RORA: variants seen among roughly 807,000 people sequenced by gnomAD.
RORA encodes nuclear receptor ROR-alpha.
RORA carries 7 observed loss-of-function variants against 69.5 expected under a neutral mutation model. The observed-to-expected ratio is 0.10, with a 90% CI of 0.06 to 0.19. RORA has a LOEUF of 0.19. RORA is among the 10% of genes least tolerant of loss of function. RORA has a pLI of 1.00. For missense variants in RORA, 457 were observed against 663.0 expected, an observed-to-expected ratio of 0.69 and a Z score of 3.41; for synonymous variants, 261 against 240.8, an observed-to-expected ratio of 1.08 and a Z score of -0.78.
At chr15:61,223,143 G>A (rs1056122062) in intron 1 of RORA, among the ~76,000 whole-genome samples, 4 of 151,670 alleles carry the variant, frequency 2.6e-5, no homozygotes, top group Non-Finnish European at 2.9e-5. Context: ...GTGAAACCCC[G>A]TCTCTACTAA....
At chr15:60,708,618 A>G (rs1567164347) in intron 1 of RORA, among the ~76,000 whole-genome samples, 1 of 152,170 alleles carries the variant, frequency 6.6e-6, no homozygotes, top group Non-Finnish European at 1.5e-5. Flanking sequence ...CACAAAAATT[A>G]TTGCATTTAA....
At chr15:60,622,532 A>G (rs922692224) in intron 2 of RORA, among the ~76,000 whole-genome samples, 10 of 151,792 alleles carry the variant, frequency 6.6e-5, no homozygotes, top group African/African-American at 2.4e-4. Flanking sequence ...GAACCACCTG[A>G]GCCTGGGAGG....
intron 1 of RORA, among the ~76,000 whole-genome samples, chr15:61,141,449 G>GA (rs1194983369): frequency 1.3e-5 from 2 of 152,074 alleles, no homozygotes; most frequent in African/African-American, 4.8e-5. Context: ...GAGAGCAAAA[G>GA]AAAATCTAGA....
intron 3 of RORA, among the ~76,000 whole-genome samples, chr15:60,526,541 A>G (rs1287055638): frequency 1.3e-5 from 2 of 152,226 alleles, no homozygotes; most frequent in Non-Finnish European, 2.9e-5. Context: ...ACACAGCCCT[A>G]CCACTTGCGC....
chr15:61,214,490 GT>G (rs1436603387), intron 1 of RORA, among the ~76,000 whole-genome samples: 2 of 152,160 alleles, frequency 1.3e-5, no homozygotes, highest in Non-Finnish European at 2.9e-5. Flanking sequence ...ATATACGAAA[GT>G]TAAAGGTATT....
At chr15:60,800,206 A>C (rs1321955577) in intron 1 of RORA, among the ~76,000 whole-genome samples, 3 of 152,212 alleles carry the variant, frequency 2.0e-5, no homozygotes, top group Non-Finnish European at 2.9e-5. Flanking sequence ...TGTAGAGTTA[A>C]ACATTTCCCA....
At chr15:61,058,911 T>C (rs577927288) in intron 1 of RORA, among the ~76,000 whole-genome samples, 1 of 152,198 alleles carries the variant, frequency 6.6e-6, no homozygotes, top group South Asian at 2.1e-4. Flanking sequence ...AGGTTTCATT[T>C]TGGAGGAAGA....
chr15:60,842,894 C>A (rs756929808), intron 1 of RORA, among the ~76,000 whole-genome samples: 1 of 152,176 alleles, frequency 6.6e-6, no homozygotes, highest in African/African-American at 2.4e-5. Flanking sequence ...GAGTGCCAGC[C>A]CGCCACATCT....
At chr15:60,759,425 G>C (rs974678358) in intron 1 of RORA, among the ~76,000 whole-genome samples, 2 of 152,150 alleles carry the variant, frequency 1.3e-5, no homozygotes, top group African/African-American at 4.8e-5. Context: ...GGGGGACATG[G>C]GGGCCAACTC....
At chr15:61,089,567 C>T (rs990453153) in intron 1 of RORA, among the ~76,000 whole-genome samples, 1 of 152,154 alleles carries the variant, frequency 6.6e-6, no homozygotes, top group Non-Finnish European at 1.5e-5. Context: ...CACAGGCCAT[C>T]CTTGGAGATC....
intron 1 of RORA, among the ~76,000 whole-genome samples, chr15:61,098,874 G>A (rs1351214892): frequency 1.3e-5 from 2 of 152,200 alleles, no homozygotes; most frequent in Admixed American, 6.5e-5. Context: ...TTAACTGTGT[G>A]AATTAAGAGC....
chr15:61,180,866 A>G (rs545191970), intron 1 of RORA, among the ~76,000 whole-genome samples: 2 of 152,306 alleles, frequency 1.3e-5, no homozygotes, highest in African/African-American at 4.8e-5. Flanking sequence ...TGGGAGGCCA[A>G]AGCAGGTCTC....
intron 1 of RORA, among the ~76,000 whole-genome samples, chr15:61,123,605 A>C (rs2079120589): frequency 6.6e-6 from 1 of 152,240 alleles, no homozygotes; most frequent in South Asian, 2.1e-4. Flanking sequence ...GGCTTAAAAA[A>C]TGTTGATGCT....
At chr15:60,581,463 G>A (rs2068193369) in intron 2 of RORA, among the ~76,000 whole-genome samples, 1 of 152,174 alleles carries the variant, frequency 6.6e-6, no homozygotes, top group Non-Finnish European at 1.5e-5. Flanking sequence ...TGCAACTTAA[G>A]AGGAGGAGGA....
intron 1 of RORA, chr15:60,849,060 C>T (rs1169195971): frequency 6.6e-6 from 1 of 152,164 alleles, no homozygotes; most frequent in Non-Finnish European, 1.5e-5. Flanking sequence ...AGACTGTGCC[C>T]CACCCATGCC....
chr15:60,911,056 C>T (rs112305743), intron 1 of RORA, among the ~76,000 whole-genome samples: 2,819 of 147,786 alleles, frequency 0.019, 99 homozygotes, highest in South Asian at 0.084. Context: ...GCGCCCACCA[C>T]CATGCCCAGC....
intron 1 of RORA, among the ~76,000 whole-genome samples, chr15:61,129,801 C>CAGTTCAGT (rs1453735498): frequency 6.6e-6 from 1 of 152,172 alleles, no homozygotes; most frequent in East Asian, 1.9e-4. Context: ...ATCTTGAGAT[C>CAGTTCAGT]TGCCTGCAAC....
chr15:60,797,521 C>A (rs1224965289), intron 1 of RORA, among the ~76,000 whole-genome samples: 2 of 152,178 alleles, frequency 1.3e-5, no homozygotes, highest in African/African-American at 4.8e-5. Flanking sequence ...CAGCTCATTA[C>A]ACATTCTTTG....
chr15:60,931,196 G>A (rs1304710876), intron 1 of RORA, among the ~76,000 whole-genome samples: 3 of 152,160 alleles, frequency 2.0e-5, no homozygotes, highest in Admixed American at 2.0e-4. Flanking sequence ...TCCATAAGTG[G>A]GGCCAGGCAG....
Sources: allele counts gnomAD v4.1 joint callset (sites outside exome capture counted in the v4.1 genomes callset), GRCh38; gene constraint gnomAD v4.1.1; transcripts MANE v1.5; gene names NCBI Gene and HGNC (gene_info 2026-07-23, HGNC 2026-07-21).